The following SERPINA9 variants were observed in gnomAD, a reference collection of about 807,000 sequenced individuals.
SERPINA9 encodes the protein serpin A9.
Under a neutral mutation model 24.5 loss-of-function variants are expected in SERPINA9, and 32 were observed. The ratio of observed to expected loss-of-function variants is 1.30; its 90% CI spans 0.98 to 1.75. The LOEUF (loss-of-function observed/expected upper bound fraction) is 1.75. Ranked by LOEUF, SERPINA9 falls within the 40% of genes most tolerant of loss-of-function variation. The pLI is 0.00. For missense variants in SERPINA9, 594 were observed against 497.1 expected (o/e 1.19, Z -1.85); for synonymous variants, 233 against 197.7 (o/e 1.18, Z -1.50).
Position 94,469,474 on chromosome 14 carries a change from C to G in SERPINA9, c.367G>C (p.Val123Leu), listed in dbSNP as rs1218832763. 1.9e-6 allele frequency: 3 copies of G among 1,614,184 alleles called. No homozygotes were observed. The highest frequency in any genetic ancestry group is 2.5e-6 in the Non-Finnish European group (3 of 1,180,032). ...GFQHLVHSLT[V>L]PSKDLTLKMG... ...TTCAAGGTCAGGTCTTTGCTGGGAA[C>G]AGTCAGTGAGTGAACCAGGTGCTGG... The change falls in exon 2 of 5, where the codon GTT (valine) becomes CTT (leucine). Residue 123 changes from valine to leucine, a missense_variant. Transcript: ENST00000674397.
At chr14:94,472,895 C>T (rs1055298843) in intron 1 of SERPINA9, among the ~76,000 whole-genome samples, 3 of 152,206 alleles carry the variant, frequency 2.0e-5, no homozygotes, top group Non-Finnish European at 4.4e-5. Flanking sequence ...CTTTGAGGAA[C>T]AGAAAAGGTT....
chr14:94,470,976 C>T (rs1321339255), intron 1 of SERPINA9, among the ~76,000 whole-genome samples: 2 of 152,134 alleles, frequency 1.3e-5, no homozygotes, highest in East Asian at 1.9e-4. Flanking sequence ...CAATGCAAGG[C>T]CAGGGGAGGT....
Position 94,469,417 on chromosome 14 carries a change from G to A in SERPINA9, c.424C>T (p.Leu142=), listed in dbSNP as rs1899187381. The change falls in exon 2 of 5, where the codon CTG becomes TTG. Residue 142 remains leucine (L), a synonymous_variant. Coordinates refer to ENST00000674397, the MANE Select transcript of SERPINA9 (RefSeq NM_175739.4). Reference sequence around the variant, plus strand: ...CCCAAGAAATTTGCCTGCAGCTGCAGCTCCTTCTTGACGAAGAGGGCACTT... The same window carrying A: ...CCCAAGAAATTTGCCTGCAGCTGCAACTCCTTCTTGACGAAGAGGGCACTT... ...MGSALFVKKE[L]QLQANFLGNV... The A allele has an allele frequency of 6.2e-7, 1 of 1,613,800 alleles. No homozygotes were observed. The highest frequency in any genetic ancestry group is 1.7e-5 in the Admixed American group (1 of 59,994).
intron 1 of SERPINA9, chr14:94,470,217 A>G: frequency 9.9e-7 from 1 of 1,013,728 alleles, no homozygotes; most frequent in South Asian, 4.6e-5. Flanking sequence ...ATGTGAACCC[A>G]GATTGCATTA....
At chr14:94,463,322 T>C (rs1235107693) in intron 4 of SERPINA9, 26 bp from the exon 5 acceptor site, 14 of 1,603,614 alleles carry the variant, frequency 8.7e-6, no homozygotes, top group African/African-American at 4.0e-5. Flanking sequence ...CAAACATCAG[T>C]GGCCCTAGTG....
chr14:94,463,439 C>T, intron 4 of SERPINA9, 143 bp from the exon 5 acceptor site: 1 of 695,920 alleles, frequency 1.4e-6, no homozygotes, highest in South Asian at 1.8e-5. Flanking sequence ...ATTGGGTTTA[C>T]TCAATACATT....
chr14:94,471,751 C>T (rs1231793131), intron 1 of SERPINA9, among the ~76,000 whole-genome samples: 2 of 152,160 alleles, frequency 1.3e-5, no homozygotes, highest in Non-Finnish European at 2.9e-5. Context: ...TCCCTTTCTC[C>T]AAGAAGGCCA....
At position 94,467,479 on chromosome 14, in the gene SERPINA9, G is replaced by A. The variant is rs554114752; in HGVS notation, c.629-97C>T. 6.6e-6 allele frequency: 8 copies of A among 1,210,880 alleles called. No homozygotes were observed. The Admixed American group carries it at 1.7e-4, about 26-fold the overall frequency. The allele number at this position is 1,210,880 out of a possible 1,614,324, so 75.0% of individuals were successfully genotyped here. ...GGGGAATTACTTCTAGTGGGTATGA[G>A]GTTTCTTTTTGAGGTGACAAAAAAA... is the stretch of plus-strand genomic sequence containing the variant. On this transcript the variant is annotated intron_variant, in intron 2 of 4. Coordinates refer to ENST00000674397, the MANE Select transcript of SERPINA9 (RefSeq NM_175739.4).
chr14:94,467,525 G>T (rs1462097004), intron 2 of SERPINA9, 143 bp from the exon 3 acceptor site: 2 of 691,826 alleles, frequency 2.9e-6, no homozygotes, highest in Non-Finnish European at 4.7e-6. Flanking sequence ...TTACACAGCG[G>T]AGTAGTTGCC....
intron 4 of SERPINA9, 80 bp downstream of exon 4, chr14:94,464,627 T>C (rs1898906823): frequency 3.2e-6 from 4 of 1,238,648 alleles, no homozygotes. Context: ...TGTTTCCTTA[T>C]CAACGAAATA....
At chr14:94,465,306 C>A (rs1029225362) in intron 3 of SERPINA9, among the ~76,000 whole-genome samples, 12 of 152,212 alleles carry the variant, frequency 7.9e-5, no homozygotes, top group African/African-American at 2.9e-4. Context: ...CTCTCCAGTA[C>A]GGTAGCCATT....
rs1274106309 is a variant in SERPINA9, at chr14:94,462,808, A to C, written c.*285T>G. The C allele has an allele frequency of 4.9e-6, 2 of 408,578 alleles. No homozygotes were observed. The highest frequency in any genetic ancestry group is 4.0e-5 in the African/African-American group (2 of 49,750). 25.3% of individuals were successfully genotyped at this position (408,578 alleles called of 1,614,324 possible). On this transcript the variant is annotated 3_prime_UTR_variant, in exon 5 of 5. Coordinates refer to ENST00000674397, the MANE Select transcript of SERPINA9 (RefSeq NM_175739.4). ...GCCTAACCTGGGTTGGCGTATTTCC[A>C]TTCCTGGGAGCCCCAAGGAATGGAA...
intron 1 of SERPINA9, chr14:94,475,924 C>T (rs1899616872): frequency 3.2e-6 from 2 of 626,272 alleles, no homozygotes; most frequent in Admixed American, 3.0e-5. Flanking sequence ...GTGGCCTTAC[C>T]TCCAACTCAC....
At chr14:94,475,799 G>T in intron 1 of SERPINA9, 1 of 400,680 alleles carries the variant, frequency 2.5e-6, no homozygotes, top group Non-Finnish European at 4.5e-6. Flanking sequence ...AACCAACAAC[G>T]ACACAACAAC....
At chr14:94,471,487 A>G (rs974033557) in intron 1 of SERPINA9, among the ~76,000 whole-genome samples, 1 of 152,218 alleles carries the variant, frequency 6.6e-6, no homozygotes, top group African/African-American at 2.4e-5. Context: ...TACCAGATAT[A>G]ATTTAACTTA....
At chr14:94,470,221 T>G (rs1899246200) in intron 1 of SERPINA9, 1 of 1,011,014 alleles carries the variant, frequency 9.9e-7, no homozygotes, top group African/African-American at 1.7e-5. Context: ...GAACCCAGAT[T>G]GCATTAGCAG....
chr14:94,473,593 TAA>T (rs776215359), intron 1 of SERPINA9, among the ~76,000 whole-genome samples: 1 of 148,848 alleles, frequency 6.7e-6, no homozygotes, highest in Non-Finnish European at 1.5e-5. Context: ...TCCTGGAATA[TAA>T]GACTGAAACC....
At chr14:94,472,299 C>A (rs919061085) in intron 1 of SERPINA9, among the ~76,000 whole-genome samples, 1 of 152,196 alleles carries the variant, frequency 6.6e-6, no homozygotes, top group Non-Finnish European at 1.5e-5. Flanking sequence ...AATGCCCCTC[C>A]TGGATGCCAC....
chr14:94,465,043 G>T (rs2139798216), intron 3 of SERPINA9, among the ~76,000 whole-genome samples, 189 bp from the exon 4 acceptor site: 1 of 152,300 alleles, frequency 6.6e-6, no homozygotes, highest in East Asian at 1.9e-4. Flanking sequence ...AGCAGGTCCA[G>T]CACTAAAAAC....
Sources: gnomAD v4.1 joint callset for allele counts (sites outside exome capture counted in the v4.1 genomes callset) on GRCh38, gnomAD v4.1.1 for gene constraint, MANE v1.5 for transcripts, NCBI Gene and HGNC (gene_info 2026-07-23, HGNC 2026-07-21) for gene names.